The following SESN1 variants were observed in gnomAD, a reference collection of about 807,000 sequenced individuals.
SESN1 encodes sestrin 1.
A neutral mutation model predicts 59.3 loss-of-function variants in SESN1; 30 were observed. That is an observed-to-expected ratio of 0.51 (90% CI 0.38 to 0.69). The LOEUF (loss-of-function observed/expected upper bound fraction) is 0.69. SESN1 is among the 30% of genes least tolerant of loss of function. The probability of loss-of-function intolerance (pLI) is 0.00; values close to 1 mark genes in which losing one functional copy is unlikely to be tolerated. For synonymous variants in SESN1, 197 were observed against 219.9 expected (o/e 0.90, Z 0.92); for missense variants, 566 against 673.0 (o/e 0.84, Z 1.76).
chr6:109,053,850 G>A (rs1164126572), intron 1 of SESN1, among the ~76,000 whole-genome samples: 1 of 152,104 alleles, frequency 6.6e-6, no homozygotes, highest in Non-Finnish European at 1.5e-5. Context: ...CATACTTCAG[G>A]AATTTTAAAA....
intron 1 of SESN1, among the ~76,000 whole-genome samples, chr6:109,065,353 T>G (rs1287804972): frequency 1.3e-5 from 2 of 152,168 alleles, no homozygotes; most frequent in Non-Finnish European, 2.9e-5. Flanking sequence ...CTGTTTTCAT[T>G]TACTCATTCA....
At chr6:109,076,221 G>A (rs1781029892) in intron 1 of SESN1, among the ~76,000 whole-genome samples, 1 of 152,180 alleles carries the variant, frequency 6.6e-6, no homozygotes, top group Non-Finnish European at 1.5e-5. Flanking sequence ...TTACCAACTA[G>A]TATGAAAACA....
intron 1 of SESN1, chr6:109,090,758 A>G (rs1781300307): frequency 6.6e-6 from 1 of 152,170 alleles, no homozygotes; most frequent in Admixed American, 6.5e-5. Context: ...GGCATACTCA[A>G]GTGTAACTTT....
intron 1 of SESN1, chr6:109,009,538 TCA>T: frequency 8.7e-7 from 1 of 1,145,182 alleles, no homozygotes; most frequent in Non-Finnish European, 1.1e-6. Flanking sequence ...CTGCAGCGCC[TCA>T]GTCAGCACGG....
chr6:108,985,816 G>A lies in SESN1; in HGVS notation c.*1728C>T, dbSNP rs1051189372. On this transcript the variant is annotated 3_prime_UTR_variant, in exon 10 of 10. Coordinates refer to ENST00000436639, the MANE Select transcript of SESN1 (RefSeq NM_014454.3). ...GAGAACTCAGCAGCAGGCAGAAGAG[G>A]ACAAAGGCATGATGCATATTCAATG... Among the ~76,000 whole-genome samples, 2 of 152,162 alleles carry A rather than the reference G, an allele frequency of 1.3e-5. No homozygotes were observed. Among genetic ancestry groups the A allele is most frequent in the Non-Finnish European group, 2.9e-5 (2 of 68,012 alleles).
At chr6:109,002,208 C>G in intron 2 of SESN1, 70 bp downstream of exon 2, 1 of 1,355,814 alleles carries the variant, frequency 7.4e-7, no homozygotes, top group Non-Finnish European at 1.1e-6. Flanking sequence ...CTTCAGATGC[C>G]AACATGTGGG....
intron 1 of SESN1, among the ~76,000 whole-genome samples, chr6:109,077,864 C>T (rs924432600): frequency 2.0e-5 from 3 of 152,070 alleles, no homozygotes; most frequent in African/African-American, 7.2e-5. Context: ...AAATGCTTAC[C>T]ACAATGCCAT....
intron 1 of SESN1, among the ~76,000 whole-genome samples, chr6:109,028,739 C>T (rs1209507464): frequency 1.3e-5 from 2 of 152,110 alleles, no homozygotes; most frequent in Non-Finnish European, 2.9e-5. Context: ...AAAATAATTG[C>T]CCCGATCTCA....
chr6:109,060,209 G>C (rs1185313138), intron 1 of SESN1, among the ~76,000 whole-genome samples: 1 of 151,754 alleles, frequency 6.6e-6, no homozygotes, highest in African/African-American at 2.4e-5. Flanking sequence ...CATTAACAAA[G>C]GATAATTTGT....
Position 109,046,833 on chromosome 6 carries a change from G to A in SESN1, c.280-44490C>T, listed in dbSNP as rs1374649778. Among the ~76,000 whole-genome samples the A allele has an allele frequency of 1.5e-5, 2 of 135,762 alleles. 1 individual carries two copies. Among genetic ancestry groups the A allele is most frequent in the Non-Finnish European group, 3.2e-5 (2 of 61,544 alleles). 89.1% of individuals were successfully genotyped at this position (135,762 alleles called of 152,430 possible). On this transcript the variant is annotated intron_variant, in intron 1 of 9. Coordinates refer to ENST00000436639, the MANE Select transcript of SESN1 (RefSeq NM_014454.3). ...GGCCGCCCTGTCTGAGAAGTGAGGA[G>A]ACCCTCTGCCTGGCAACCACCCCGT...
chr6:109,009,609 T>C (rs1779819139), intron 1 of SESN1: 1 of 1,016,554 alleles, frequency 9.8e-7, no homozygotes, highest in South Asian at 4.7e-5. Flanking sequence ...CCCGCGCCCG[T>C]CATTTCACCG....
At chr6:109,034,941 G>A (rs911107021) in intron 1 of SESN1, among the ~76,000 whole-genome samples, 4 of 152,076 alleles carry the variant, frequency 2.6e-5, no homozygotes, top group Non-Finnish European at 5.9e-5. Flanking sequence ...TTTATATCAG[G>A]GTTTCTGTCA....
At chr6:109,062,786 T>C (rs1252402971) in intron 1 of SESN1, among the ~76,000 whole-genome samples, 1 of 152,150 alleles carries the variant, frequency 6.6e-6, no homozygotes, top group Non-Finnish European at 1.5e-5. Flanking sequence ...AAGTTTAATT[T>C]AGAAATTAGG....
intron 1 of SESN1, among the ~76,000 whole-genome samples, chr6:109,016,831 G>A (rs564441044): frequency 3.3e-5 from 5 of 152,214 alleles, no homozygotes; most frequent in African/African-American, 1.2e-4. Flanking sequence ...CATTTTGCTT[G>A]TAGTAATAGA....
In SESN1 at chr6:109,094,133, T is replaced by G; in HGVS notation, c.-60A>C. 1 of 1,503,496 alleles carries G rather than the reference T, an allele frequency of 6.7e-7. No homozygotes were observed. The highest frequency in any genetic ancestry group is 9.0e-7 in the Non-Finnish European group (1 of 1,115,510). 93.1% of individuals were successfully genotyped at this position (1,503,496 alleles called of 1,614,324 possible). The stretch of plus-strand genomic sequence containing the variant: ...TTTCAGCATGCCCCAAAAAAATTGC[T>G]TTGTATTTTTAAAATGAAAAATGTA... On this transcript the variant is annotated 5_prime_UTR_variant, in exon 1 of 10. Transcript: ENST00000436639.
intron 1 of SESN1, among the ~76,000 whole-genome samples, chr6:109,020,675 A>G (rs1399698336): frequency 6.6e-6 from 1 of 152,180 alleles, no homozygotes; most frequent in Non-Finnish European, 1.5e-5. Flanking sequence ...AGGGATTTTC[A>G]AGAGTTACAG....
At chr6:109,093,722 C>T (rs1770470767) in intron 1 of SESN1, 73 bp downstream of exon 1, 4 of 1,445,184 alleles carry the variant, frequency 2.8e-6, no homozygotes, top group Middle Eastern at 1.8e-4. Context: ...TAGAAACAAA[C>T]ACAACGTGAA....
intron 8 of SESN1, among the ~76,000 whole-genome samples, chr6:108,990,408 G>A (rs949889058): frequency 4.6e-5 from 7 of 152,214 alleles, no homozygotes; most frequent in African/African-American, 1.7e-4. Context: ...CCTGGAGGCA[G>A]CTGTCATTCA....
At position 108,987,560 on chromosome 6, in the gene SESN1, G is replaced by T. The variant is rs1233452635; in HGVS notation, c.1640C>A (p.Thr547Asn). The T allele has an allele frequency of 6.3e-7, 1 of 1,594,452 alleles. No individual in the cohort carries two copies. ...GGAAAGGCATCAGGTCATATAGCGGGTAATGGCTCTCAGAGCATAAAGGAG... is the reference window on the plus strand; with the variant it reads ...GGAAAGGCATCAGGTCATATAGCGGTTAATGGCTCTCAGAGCATAAAGGAG... ...AELLYALRAITRYMT is the reference protein window; with the variant it reads ...AELLYALRAINRYMT Residue 547 changes from threonine (T) to asparagine (N), a missense_variant, in exon 10 of 10, where the codon ACC becomes AAC. Physicochemically the swap from Thr to Asn is moderately conservative, Grantham distance 65. Transcript: ENST00000436639.
Sources: gnomAD v4.1 joint callset for allele counts (sites outside exome capture counted in the v4.1 genomes callset) on GRCh38, gnomAD v4.1.1 for gene constraint, MANE v1.5 for transcripts, NCBI Gene and HGNC (gene_info 2026-07-23, HGNC 2026-07-21) for gene names.